Variants in TYW1 observed in about 807,000 individuals in gnomAD.
TYW1 encodes S-adenosyl-L-methionine-dependent tRNA 4-demethylwyosine synthase TYW1.
A neutral mutation model predicts 96.2 loss-of-function variants in TYW1; 46 were observed. The ratio of observed to expected loss-of-function variants is 0.48; its 90% confidence interval spans 0.38 to 0.61. The LOEUF (loss-of-function observed/expected upper bound fraction) is 0.61, where lower values mean the gene tolerates loss of function less well. TYW1 is among the 20% of genes least tolerant of loss of function. The pLI is 0.00. For missense variants in TYW1, 684 were observed against 909.6 expected (o/e 0.75, Z 3.19); for synonymous variants, 274 against 323.0 (o/e 0.85, Z 1.63).
At chr7:67,166,326 A>AACATATAT (rs1799323429) in intron 13 of TYW1, among the ~76,000 whole-genome samples, 1 of 120,210 alleles carries the variant, frequency 8.3e-6, no homozygotes, top group Non-Finnish European at 1.8e-5. Flanking sequence ...AATATATAAC[A>AACATATAT]TATATAATAT....
At chr7:67,013,685 A>G (rs1328379933) in intron 4 of TYW1, among the ~76,000 whole-genome samples, 8 of 147,884 alleles carry the variant, frequency 5.4e-5, no homozygotes, top group East Asian at 2.0e-4. Context: ...ATTTTCCCCC[A>G]GTGTGTTCTT....
intron 13 of TYW1, among the ~76,000 whole-genome samples, chr7:67,181,933 A>T (rs1799855833): frequency 6.6e-6 from 1 of 152,026 alleles, no homozygotes; most frequent in Admixed American, 6.6e-5. Context: ...GGTTCAAATG[A>T]TTCTCCTGCC....
At chr7:67,205,678 G>A (rs573907908) in intron 15 of TYW1, among the ~76,000 whole-genome samples, 3 of 152,220 alleles carry the variant, frequency 2.0e-5, no homozygotes, top group Admixed American at 2.0e-4. Context: ...TTTGCTGACC[G>A]GATGGGAATG....
intron 13 of TYW1, among the ~76,000 whole-genome samples, chr7:67,158,113 G>C (rs1368191521): frequency 6.1e-5 from 8 of 131,716 alleles, no homozygotes; most frequent in Non-Finnish European, 1.1e-4. Flanking sequence ...TTTTGTGATG[G>C]AGCCTTGCTG....
chr7:67,183,889 G>A (rs894590324), intron 14 of TYW1, among the ~76,000 whole-genome samples: 2 of 152,046 alleles, frequency 1.3e-5, no homozygotes, highest in Non-Finnish European at 2.9e-5. Flanking sequence ...GTGCAGTGCT[G>A]TGATCGTAGC....
intron 15 of TYW1, among the ~76,000 whole-genome samples, chr7:67,209,395 A>T (rs1415178396): frequency 6.6e-6 from 1 of 152,298 alleles, no homozygotes; most frequent in East Asian, 1.9e-4. Context: ...TTAGACCATG[A>T]CAATCCAAGA....
chr7:67,073,368 A>T (rs1209432203), intron 10 of TYW1, among the ~76,000 whole-genome samples: 1 of 152,094 alleles, frequency 6.6e-6, no homozygotes, highest in Non-Finnish European at 1.5e-5. Flanking sequence ...GCAACAAAGG[A>T]TTATCTAGTC....
At position 67,239,336 on chromosome 7, in the gene TYW1, C is replaced by T. The variant is rs1441389279; in HGVS notation, c.*807C>T. 22 of 985,324 alleles carry T rather than the reference C, an allele frequency of 2.2e-5. No homozygotes were observed. Among genetic ancestry groups the T allele is most frequent in the East Asian group, 1.1e-4 (1 of 8,810 alleles). 61.0% of individuals were successfully genotyped at this position (985,324 alleles called of 1,614,324 possible). On this transcript the variant is annotated 3_prime_UTR_variant, in exon 16 of 16. Coordinates refer to ENST00000359626, the MANE Select transcript of TYW1 (RefSeq NM_018264.4). ...GGCCTCTCATATCATGACCAGACGGCGGGTCTCCATCTTCTTTCACTCCTG... is the reference window on the plus strand; with the variant it reads ...GGCCTCTCATATCATGACCAGACGGTGGGTCTCCATCTTCTTTCACTCCTG...
intron 8 of TYW1, among the ~76,000 whole-genome samples, chr7:67,053,744 A>C (rs1233115776): frequency 6.6e-6 from 1 of 152,106 alleles, no homozygotes; most frequent in African/African-American, 2.4e-5. Flanking sequence ...CTAAATGTCT[A>C]GTCTTCCAAA....
At chr7:67,085,185 G>A (rs1049634073) in intron 11 of TYW1, among the ~76,000 whole-genome samples, 3 of 152,148 alleles carry the variant, frequency 2.0e-5, no homozygotes, top group South Asian at 2.1e-4. Flanking sequence ...CCACTCATTC[G>A]TAATATTATA....
intron 12 of TYW1, among the ~76,000 whole-genome samples, chr7:67,115,654 A>AC (rs1191380486): frequency 1.3e-5 from 2 of 152,108 alleles, no homozygotes; most frequent in African/African-American, 4.8e-5. Context: ...ATCTCCTAAA[A>AC]AGTAGCTTTA....
chr7:67,134,329 G>T (rs1219404599), intron 13 of TYW1, among the ~76,000 whole-genome samples: 1 of 152,018 alleles, frequency 6.6e-6, no homozygotes, highest in East Asian at 1.9e-4. Flanking sequence ...GATCACTCGA[G>T]GTCAGGAGTT....
chr7:67,014,572 A>T lies in TYW1; in HGVS notation c.570+11A>T. On this transcript the variant is annotated intron_variant, in intron 5 of 15. Transcript: ENST00000359626. ...AGCCACTTCAACAAGGTAGGTCTAT[A>T]TTGAATTATAGGAATAAATTCTCCC... 1.3e-6 allele frequency: 2 copies of T among 1,595,832 alleles called. No individual in the cohort carries two copies. The highest frequency in any genetic ancestry group is 4.5e-5 in the East Asian group (2 of 44,714).
intron 13 of TYW1, among the ~76,000 whole-genome samples, chr7:67,165,430 A>G (rs946385403): frequency 1.3e-5 from 2 of 150,754 alleles, no homozygotes; most frequent in African/African-American, 4.9e-5. Context: ...TTAATTGTGG[A>G]TTTTTGTAAT....
intron 6 of TYW1, among the ~76,000 whole-genome samples, chr7:67,018,815 G>A (rs183801440): frequency 1.5e-4 from 23 of 151,830 alleles, no homozygotes; most frequent in Middle Eastern, 3.4e-3. Context: ...AATTAGCCAG[G>A]TGTGGTGGCG....
chr7:67,043,296 T>A (rs1280595892), intron 7 of TYW1, among the ~76,000 whole-genome samples: 2 of 152,030 alleles, frequency 1.3e-5, no homozygotes, highest in African/African-American at 2.4e-5. Flanking sequence ...GCCTGATAAT[T>A]TTTATATTGT....
intron 15 of TYW1, among the ~76,000 whole-genome samples, chr7:67,220,574 A>G (rs1441991126): frequency 1.3e-5 from 2 of 151,918 alleles, no homozygotes; most frequent in Non-Finnish European, 2.9e-5. Flanking sequence ...ATGTTGTTGA[A>G]TCTAGGCCTA....
chr7:67,163,197 C>T (rs1323788453), intron 13 of TYW1, among the ~76,000 whole-genome samples: 2 of 152,158 alleles, frequency 1.3e-5, no homozygotes, highest in Non-Finnish European at 2.9e-5. Flanking sequence ...TTTCTCCCAA[C>T]CTCCAAAGGA....
At chr7:67,089,573 G>T in intron 11 of TYW1, 2 of 558,446 alleles carry the variant, frequency 3.6e-6, no homozygotes, top group South Asian at 2.3e-5. Flanking sequence ...TCCTGGGTCT[G>T]GTTCAGTTGT....
Sources: gnomAD v4.1 joint callset for allele counts (sites outside exome capture counted in the v4.1 genomes callset) on GRCh38, gnomAD v4.1.1 for gene constraint, MANE v1.5 for transcripts, NCBI Gene and HGNC (gene_info 2026-07-23, HGNC 2026-07-21) for gene names.